Variants in ZNF680 observed in about 807,000 individuals in gnomAD.
ZNF680 encodes the protein hypothetical protein FLJ90430.
ZNF680 carries 6 observed loss-of-function variants against 12.1 expected under a neutral mutation model. The ratio of observed to expected loss-of-function variants is 0.49; its 90% confidence interval spans 0.27 to 0.98. The LOEUF is 0.98. ZNF680 is among the 50% of genes least tolerant of loss of function. ZNF680 has a pLI of 0.12. For synonymous variants in ZNF680, 170 were observed against 199.3 expected, an observed-to-expected ratio of 0.85 and a Z score of 1.24; for missense variants, 561 against 616.3, an observed-to-expected ratio of 0.91 and a Z score of 0.95.
At chr7:64,507,872 CACACACAT>C in the ZNF680 span, among the ~76,000 whole-genome samples, 32 of 81,950 alleles carry the variant, frequency 3.9e-4, no homozygotes, top group African/African-American at 1.7e-3. Context: ...CACACACACA[CACACACAT>C]TTTTTTATTT....
the ZNF680 span, among the ~76,000 whole-genome samples, chr7:64,511,382 CAAAAGAA>C: frequency 3.3e-5 from 5 of 152,008 alleles, no homozygotes; most frequent in Non-Finnish European, 7.4e-5. Context: ...TTCTATGTAT[CAAAAGAA>C]AAAAGAAAAT....
intron 1 of ZNF680, among the ~76,000 whole-genome samples, chr7:64,553,654 T>C (rs1787204764): frequency 6.6e-6 from 1 of 152,248 alleles, no homozygotes; most frequent in Non-Finnish European, 1.5e-5. Context: ...TGGACTGTAC[T>C]GCCGCCATCT....
chr7:64,499,123 C>T, the ZNF680 span, among the ~76,000 whole-genome samples: 1 of 152,028 alleles, frequency 6.6e-6, no homozygotes, highest in Non-Finnish European at 1.5e-5. Context: ...AGAATAAATA[C>T]ATTAAATATA....
chr7:64,559,801 A>G (rs1166597239), intron 1 of ZNF680, among the ~76,000 whole-genome samples: 1 of 151,988 alleles, frequency 6.6e-6, no homozygotes, highest in Non-Finnish European at 1.5e-5. Flanking sequence ...TTTTTTGAAG[A>G]TGCATAACAT....
At chr7:64,554,355 C>A (rs576814001) in intron 1 of ZNF680, among the ~76,000 whole-genome samples, 2 of 152,044 alleles carry the variant, frequency 1.3e-5, no homozygotes, top group Admixed American at 1.3e-4. Flanking sequence ...CTGGCAGCCG[C>A]CCCGTCCGGG....
chr7:64,549,749 G>A (rs1786972200), intron 1 of ZNF680, among the ~76,000 whole-genome samples: 1 of 152,056 alleles, frequency 6.6e-6, no homozygotes, highest in Non-Finnish European at 1.5e-5. Flanking sequence ...GGGAGGCCGA[G>A]GCAGGTAGAT....
intron 3 of ZNF680, among the ~76,000 whole-genome samples, chr7:64,526,966 G>A (rs770503723): frequency 9.9e-5 from 15 of 152,226 alleles, no homozygotes; most frequent in Non-Finnish European, 2.1e-4. Context: ...GGCAGGGCAA[G>A]GTGGCTCACA....
chr7:64,560,115 GTT>G (rs35323758), intron 1 of ZNF680, among the ~76,000 whole-genome samples: 58 of 123,492 alleles, frequency 4.7e-4, no homozygotes, highest in Admixed American at 9.0e-4. Context: ...TTTCTTTTCT[GTT>G]TTTTTTTTTT....
intron 3 of ZNF680, among the ~76,000 whole-genome samples, chr7:64,535,750 C>A (rs1786132554): frequency 1.3e-5 from 2 of 151,882 alleles, no homozygotes; most frequent in South Asian, 4.2e-4. Flanking sequence ...TCGAGACCAG[C>A]CTGGACAAAA....
rs1459629419 is a variant in ZNF680 at position 64,546,235 on chromosome 7, C to T, written c.31-1803G>A. 2.0e-5 allele frequency among the ~76,000 whole-genome samples: 3 copies of T among 152,158 alleles called. No individual in the cohort carries two copies. In the East Asian group the frequency reaches 5.8e-4, roughly 29 times the overall value. ...AAAAGAACCAATTCTTCCTGTTTCT[C>T]CTTTTTTGGAATTCCTTCTCAGATG... On this transcript the variant is annotated intron_variant, in intron 1 of 3. Coordinates refer to ENST00000309683, the MANE Select transcript of ZNF680 (RefSeq NM_178558.5).
chr7:64,517,289 C>CA (rs1791375409), downstream of ZNF680, among the ~76,000 whole-genome samples: 1 of 151,756 alleles, frequency 6.6e-6, no homozygotes, highest in Admixed American at 6.6e-5. Context: ...CACAGAAATA[C>CA]AAAAGATCAT....
At chr7:64,526,841 T>G (rs1224749222) in intron 3 of ZNF680, among the ~76,000 whole-genome samples, 1 of 152,242 alleles carries the variant, frequency 6.6e-6, no homozygotes, top group Non-Finnish European at 1.5e-5. Flanking sequence ...GTTTTAACTT[T>G]AAGATGTTTT....
intron 1 of ZNF680, among the ~76,000 whole-genome samples, chr7:64,554,159 C>T (rs11764229): frequency 0.066 from 10,071 of 151,600 alleles, 442 homozygotes; most frequent in Admixed American, 0.1. Context: ...TGCCCGGCCG[C>T]CCATCGTCTG....
chr7:64,530,620 G>T (rs906866488), intron 3 of ZNF680, among the ~76,000 whole-genome samples: 2 of 152,168 alleles, frequency 1.3e-5, no homozygotes, highest in Middle Eastern at 3.4e-3. Flanking sequence ...CAGCACTTTG[G>T]GAGGCTGAGG....
At chr7:64,560,216 C>CA (rs1787658473) in intron 1 of ZNF680, among the ~76,000 whole-genome samples, 1 of 151,184 alleles carries the variant, frequency 6.6e-6, no homozygotes, top group Non-Finnish European at 1.5e-5. Context: ...CGGGTTCAAG[C>CA]AATTTTCCTG....
intron 1 of ZNF680, among the ~76,000 whole-genome samples, chr7:64,557,556 AAAAAAC>A (rs923263478): frequency 1.6e-5 from 1 of 61,874 alleles, no homozygotes; most frequent in African/African-American, 1.8e-4. Flanking sequence ...GTCCGTCTCA[AAAAAAC>A]AAAAAAACAA....
chr7:64,506,766 G>A, the ZNF680 span, among the ~76,000 whole-genome samples: 1 of 152,080 alleles, frequency 6.6e-6, no homozygotes, highest in Non-Finnish European at 1.5e-5. Flanking sequence ...TGTTACCTCT[G>A]TGCAGACAAA....
At chr7:64,560,183 G>T (rs1787655479) in intron 1 of ZNF680, among the ~76,000 whole-genome samples, 1 of 144,212 alleles carries the variant, frequency 6.9e-6, no homozygotes. Flanking sequence ...GCACAATCTT[G>T]GCTCACTGCA....
chr7:64,525,355 A>G (rs1791781607), intron 3 of ZNF680: 1 of 151,338 alleles, frequency 6.6e-6, no homozygotes, highest in African/African-American at 2.4e-5. Flanking sequence ...GATATAATCT[A>G]AAATACAAAA....
Sources: gnomAD v4.1 joint callset for allele counts (sites outside exome capture counted in the v4.1 genomes callset) on GRCh38, gnomAD v4.1.1 for gene constraint, MANE v1.5 for transcripts, NCBI Gene and HGNC (gene_info 2026-07-23, HGNC 2026-07-21) for gene names.